The following GRID2 variants were observed in gnomAD, a reference collection of about 807,000 sequenced individuals.
GRID2 encodes the protein glutamate ionotropic receptor delta type subunit 2, also known as glutamate receptor ionotropic, delta-2.
GRID2 carries 33 observed loss-of-function variants against 114.8 expected under a neutral mutation model. The observed-to-expected ratio is 0.29, with a 90% CI of 0.22 to 0.38. The LOEUF (loss-of-function observed/expected upper bound fraction) is 0.38, where lower values mean the gene tolerates loss of function less well. Among genes scored for constraint, GRID2 ranks in the 10% least tolerant of loss-of-function variants. The probability of loss-of-function intolerance (pLI) is 1.00; values close to 1 mark genes in which losing one functional copy is unlikely to be tolerated. For missense variants in GRID2, 1,184 were observed against 1,257.7 expected (o/e 0.94, Z 0.89); for synonymous variants, 505 against 449.9 (o/e 1.12, Z -1.55).
At chr4:93,634,008 A>G (rs1721186938) in intron 14 of GRID2, among the ~76,000 whole-genome samples, 1 of 152,196 alleles carries the variant, frequency 6.6e-6, no homozygotes, top group Non-Finnish European at 1.5e-5. Flanking sequence ...AGAAAGGTAC[A>G]TAAAACCAGA....
intron 2 of GRID2, among the ~76,000 whole-genome samples, chr4:92,625,780 C>G (rs944608006): frequency 6.6e-6 from 1 of 151,736 alleles, no homozygotes; most frequent in Non-Finnish European, 1.5e-5. Context: ...TGTAAAATTG[C>G]GACTGTTTCT....
At chr4:92,664,342 T>C (rs1056826910) in intron 2 of GRID2, among the ~76,000 whole-genome samples, 33 of 151,282 alleles carry the variant, frequency 2.2e-4, no homozygotes, top group African/African-American at 6.5e-4. Context: ...CAATTGGTTG[T>C]GTAAGACTAT....
intron 1 of GRID2, among the ~76,000 whole-genome samples, chr4:92,572,855 C>G (rs1043181986): frequency 6.7e-6 from 1 of 149,050 alleles, no homozygotes; most frequent in African/African-American, 2.5e-5. Context: ...AAGGAGGAGT[C>G]CTTCTTTTTC....
intron 2 of GRID2, among the ~76,000 whole-genome samples, chr4:92,979,967 C>T (rs1463001523): frequency 6.6e-6 from 1 of 152,118 alleles, no homozygotes; most frequent in African/African-American, 2.4e-5. Flanking sequence ...TGCTTTATCA[C>T]TACAGTGTAA....
intron 14 of GRID2, among the ~76,000 whole-genome samples, chr4:93,688,021 A>T (rs150710392): frequency 8.0e-4 from 121 of 152,052 alleles, no homozygotes; most frequent in African/African-American, 2.8e-3. Flanking sequence ...ATGAGGGAAG[A>T]AGAGCCACCT....
Position 93,449,276 on chromosome 4 carries a change from C to T in GRID2, c.1546-6386C>T, listed in dbSNP as rs184424699. Among the ~76,000 whole-genome samples the T allele has an allele frequency of 4.2e-3, 638 of 152,000 alleles. 4 individuals carry two copies. Among genetic ancestry groups the T allele is most frequent in the Non-Finnish European group, 7.1e-3 (481 of 67,960 alleles). On this transcript the variant is annotated intron_variant, in intron 10 of 15. Coordinates refer to ENST00000282020, the MANE Select transcript of GRID2 (RefSeq NM_001510.4). ...CCAAAACTCTTCAGTAACTATTTTC[C>T]TTCTGCTTTCTGTAGAAAATATTTA...
chr4:93,717,841 A>G (rs1205615546), intron 14 of GRID2, among the ~76,000 whole-genome samples: 1 of 152,230 alleles, frequency 6.6e-6, no homozygotes, highest in Non-Finnish European at 1.5e-5. Flanking sequence ...CAAGTCAACC[A>G]TAATTCAATG....
chr4:93,054,213 T>G (rs1274083766), intron 2 of GRID2, among the ~76,000 whole-genome samples: 5 of 151,956 alleles, frequency 3.3e-5, no homozygotes, highest in Admixed American at 1.3e-4. Flanking sequence ...GTATGGATTT[T>G]TATTAAAACT....
At chr4:93,301,702 G>A (rs1754888347) in intron 8 of GRID2, among the ~76,000 whole-genome samples, 1 of 152,022 alleles carries the variant, frequency 6.6e-6, no homozygotes, top group African/African-American at 2.4e-5. Flanking sequence ...ACGTATTGTG[G>A]GTCAGTGCTT....
chr4:93,145,043 T>G (rs1736085187), intron 4 of GRID2, among the ~76,000 whole-genome samples: 1 of 152,178 alleles, frequency 6.6e-6, no homozygotes, highest in Admixed American at 6.5e-5. Flanking sequence ...GACATTACAA[T>G]AGCCGTTTTC....
chr4:93,492,877 G>C (rs552716475), intron 12 of GRID2, among the ~76,000 whole-genome samples: 81 of 150,844 alleles, frequency 5.4e-4, no homozygotes, highest in Non-Finnish European at 1.0e-3. Context: ...CTGAAAGTTC[G>C]TACCCTTTGA....
chr4:93,017,195 T>C (rs964455732), intron 2 of GRID2, among the ~76,000 whole-genome samples: 5 of 152,190 alleles, frequency 3.3e-5, no homozygotes, highest in African/African-American at 1.2e-4. Context: ...AGAATAGGAA[T>C]GTTATTATAC....
At chr4:92,949,132 A>ATGTG (rs112763953) in intron 2 of GRID2, among the ~76,000 whole-genome samples, 258 of 149,404 alleles carry the variant, frequency 1.7e-3, no homozygotes, top group African/African-American at 6.1e-3. Context: ...GACAAAGAAA[A>ATGTG]TGTGTGTGTG....
intron 1 of GRID2, among the ~76,000 whole-genome samples, chr4:92,438,831 T>C (rs1207109138): frequency 6.6e-6 from 1 of 152,222 alleles, no homozygotes; most frequent in Non-Finnish European, 1.5e-5. Context: ...CAATGTCCCC[T>C]GTGCATCTAT....
intron 3 of GRID2, among the ~76,000 whole-genome samples, chr4:93,085,801 C>T (rs1224354644): frequency 6.6e-6 from 1 of 151,970 alleles, no homozygotes; most frequent in Admixed American, 6.6e-5. Flanking sequence ...CCATACAGTT[C>T]ATATTATATG....
chr4:93,760,918 C>T (rs886451738), intron 14 of GRID2, among the ~76,000 whole-genome samples: 1 of 152,142 alleles, frequency 6.6e-6, no homozygotes, highest in Admixed American at 6.6e-5. Flanking sequence ...GGAAATACAA[C>T]CCTCAGAAGA....
At chr4:93,163,119 T>C (rs1400317762) in intron 4 of GRID2, among the ~76,000 whole-genome samples, 2 of 151,844 alleles carry the variant, frequency 1.3e-5, no homozygotes, top group Admixed American at 6.6e-5. Context: ...GTTGTGTGTA[T>C]ACATTTGTTG....
At chr4:93,673,809 T>C (rs547928247) in intron 14 of GRID2, among the ~76,000 whole-genome samples, 4 of 152,330 alleles carry the variant, frequency 2.6e-5, no homozygotes, top group African/African-American at 9.6e-5. Flanking sequence ...ACAAAACTTA[T>C]GATGCGCACC....
chr4:92,571,959 T>G (rs1727644526), intron 1 of GRID2, among the ~76,000 whole-genome samples: 1 of 151,860 alleles, frequency 6.6e-6, no homozygotes, highest in South Asian at 2.1e-4. Context: ...CACCCTAACA[T>G]CACAATTAAA....
Sources: gnomAD v4.1 joint callset for allele counts (sites outside exome capture counted in the v4.1 genomes callset) on GRCh38, gnomAD v4.1.1 for gene constraint, MANE v1.5 for transcripts, NCBI Gene and HGNC (gene_info 2026-07-23, HGNC 2026-07-21) for gene names.